ANKS1B: variants seen among roughly 807,000 people sequenced by gnomAD.
ANKS1B encodes the protein ankyrin repeat and sterile alpha motif domain-containing protein 1B.
A neutral mutation model predicts 148.3 loss-of-function variants in ANKS1B; 36 were observed. That is an observed-to-expected ratio of 0.24 (90% CI 0.19 to 0.32). The LOEUF is 0.32. ANKS1B is among the 10% of genes least tolerant of loss of function. The pLI, the probability that ANKS1B is intolerant of heterozygous loss-of-function variation, is 1.00. For missense variants in ANKS1B, 1,157 were observed against 1,542.6 expected (o/e 0.75, Z 4.19); for synonymous variants, 542 against 560.8 (o/e 0.97, Z 0.47).
At chr12:99,773,567 T>C (rs1483900705) in intron 7 of ANKS1B, among the ~76,000 whole-genome samples, 2 of 152,060 alleles carry the variant, frequency 1.3e-5, no homozygotes, top group South Asian at 2.1e-4. Context: ...GTATATGATA[T>C]AAAGTAAAAA....
intron 15 of ANKS1B, among the ~76,000 whole-genome samples, chr12:99,121,049 C>G (rs2062674976): frequency 6.6e-6 from 1 of 151,218 alleles, no homozygotes; most frequent in East Asian, 1.9e-4. Context: ...TCAGTTGGGT[C>G]TATCCAAAGA....
intron 9 of ANKS1B, among the ~76,000 whole-genome samples, chr12:99,513,350 G>A (rs2096785419): frequency 6.6e-6 from 1 of 152,046 alleles, no homozygotes; most frequent in Non-Finnish European, 1.5e-5. Flanking sequence ...AATAGTCACT[G>A]TATTGTGGTG....
At chr12:98,850,453 C>G (rs1439615937) in intron 17 of ANKS1B, among the ~76,000 whole-genome samples, 1 of 128,494 alleles carries the variant, frequency 7.8e-6, no homozygotes, top group East Asian at 2.4e-4. Context: ...ACCAGAGAAG[C>G]ATTGCATTTT....
At chr12:99,661,005 G>C (rs755553937) in intron 8 of ANKS1B, among the ~76,000 whole-genome samples, 1 of 152,060 alleles carries the variant, frequency 6.6e-6, no homozygotes, top group African/African-American at 2.4e-5. Flanking sequence ...GGAATGTAAC[G>C]AAAGCCCACC....
chr12:99,300,487 C>A (rs1284579562), intron 12 of ANKS1B, among the ~76,000 whole-genome samples: 2 of 151,060 alleles, frequency 1.3e-5, no homozygotes, highest in African/African-American at 4.9e-5. Flanking sequence ...AAAAAAAAAA[C>A]AACACAGAAA....
chr12:99,802,783 C>T (rs2153657998), intron 4 of ANKS1B, among the ~76,000 whole-genome samples: 1 of 152,024 alleles, frequency 6.6e-6, no homozygotes, highest in African/African-American at 2.4e-5. Context: ...CACATCAGCA[C>T]ATGCCTATAG....
chr12:99,138,892 A>T (rs540635246), intron 15 of ANKS1B, among the ~76,000 whole-genome samples: 35 of 151,850 alleles, frequency 2.3e-4, no homozygotes, highest in African/African-American at 8.0e-4. Flanking sequence ...CATCATATTC[A>T]GCTTGCTTTC....
At chr12:99,560,840 CTTTTTTT>C (rs58588885) in intron 9 of ANKS1B, among the ~76,000 whole-genome samples, 27 of 71,916 alleles carry the variant, frequency 3.8e-4, no homozygotes, top group South Asian at 6.1e-4. Flanking sequence ...TTTCTTTTTT[CTTTTTTT>C]TTTTTTTTTT....
intron 17 of ANKS1B, among the ~76,000 whole-genome samples, chr12:98,996,745 G>A (rs142219561): frequency 0.025 from 3,774 of 148,518 alleles, 132 homozygotes; most frequent in African/African-American, 0.075. Flanking sequence ...CCCGGGAGGC[G>A]GAGCTTGCAG....
chr12:99,784,858 G>T (rs146593802), intron 4 of ANKS1B, among the ~76,000 whole-genome samples: 2,030 of 152,192 alleles, frequency 0.013, 20 homozygotes, highest in Non-Finnish European at 0.02. Flanking sequence ...GTTTTTCCTG[G>T]ATGTTCCACA....
chr12:99,812,546 CACACACACACACAGAGAGAG>C (rs1282537222), intron 2 of ANKS1B, among the ~76,000 whole-genome samples: 5 of 95,922 alleles, frequency 5.2e-5, no homozygotes, highest in East Asian at 7.0e-4. Context: ...CACACACACA[CACACACACACACAGAGAGAG>C]AGAGAGAGAG....
intron 3 of ANKS1B, 105 bp downstream of exon 3, chr12:99,812,050 A>C: frequency 8.3e-6 from 11 of 1,321,170 alleles, no homozygotes; most frequent in African/African-American, 1.5e-5. Flanking sequence ...TCAGCAATGG[A>C]AAGGCCTTTG....
intron 25 of ANKS1B, among the ~76,000 whole-genome samples, chr12:98,769,165 CTTTTTTTTTTTTTTTTTTT>C (rs1182264550): frequency 2.4e-5 from 1 of 41,216 alleles, no homozygotes; most frequent in African/African-American, 8.2e-5. Context: ...GTCTTCTTTA[CTTTTTTTTTTTTTTTTTTT>C]TTTTTTTTTT....
rs186454369 is a variant in ANKS1B at position 99,187,546 on chromosome 12, C to A, written c.2420-33151G>T. On this transcript the variant is annotated intron_variant, in intron 14 of 26. Coordinates refer to ENST00000683438, the MANE Select transcript of ANKS1B (RefSeq NM_001352186.2). ...AGTAGGGGAGCCAATATTCAACATT[C>A]TTAAAGAGAATAATTTTCAACCCAG... Among the ~76,000 whole-genome samples, 756 of 152,276 alleles carry A rather than the reference C, an allele frequency of 5.0e-3. 4 individuals are homozygous for A. The highest frequency in any genetic ancestry group is 0.017 in the South Asian group (80 of 4,828).
intron 1 of ANKS1B, among the ~76,000 whole-genome samples, chr12:99,839,903 T>G (rs2085442263): frequency 6.6e-6 from 1 of 151,754 alleles, no homozygotes; most frequent in Admixed American, 6.6e-5. Context: ...TTTCATGTCT[T>G]TTAATTACTG....
Position 99,354,606 on chromosome 12 carries a change from G to T in ANKS1B, c.1756+45025C>A, listed in dbSNP as rs772284922. Among the ~76,000 whole-genome samples the T allele has an allele frequency of 2.0e-5, 3 of 151,946 alleles. No homozygotes were observed. In the South Asian group the frequency reaches 6.2e-4, roughly 32 times the overall value. On this transcript the variant is annotated intron_variant, in intron 12 of 26. Coordinates refer to ENST00000683438, the MANE Select transcript of ANKS1B (RefSeq NM_001352186.2). ...AGAAATGCTCATTGAACCCACTGTT[G>T]TCACACCATTAAGAAAGAGAATGAA...
chr12:99,079,402 T>C, intron 16 of ANKS1B, among the ~76,000 whole-genome samples: 1 of 152,074 alleles, frequency 6.6e-6, no homozygotes, highest in Non-Finnish European at 1.5e-5. Context: ...AAAATAAATA[T>C]ATGTAGCTCC....
chr12:99,800,793 A>G (rs573131978), intron 4 of ANKS1B, among the ~76,000 whole-genome samples: 1 of 152,126 alleles, frequency 6.6e-6, no homozygotes, highest in Admixed American at 6.6e-5. Flanking sequence ...AGGGAATTAC[A>G]TACACAAATT....
intron 12 of ANKS1B, among the ~76,000 whole-genome samples, chr12:99,381,892 C>G (rs1815765564): frequency 6.6e-6 from 1 of 152,126 alleles, no homozygotes; most frequent in Admixed American, 6.5e-5. Context: ...TAAAACAAAA[C>G]AGTACCTCAT....
Sources: allele counts gnomAD v4.1 joint callset (sites outside exome capture counted in the v4.1 genomes callset), GRCh38; gene constraint gnomAD v4.1.1; transcripts MANE v1.5; gene names NCBI Gene and HGNC (gene_info 2026-07-23, HGNC 2026-07-21).